The following HORMAD2 variants were observed in gnomAD, a reference collection of about 807,000 sequenced individuals.
HORMAD2 encodes HORMA domain-containing protein 2.
In HORMAD2, 45 loss-of-function variants were observed where a neutral mutation model predicts 38.8. The observed-to-expected ratio is 1.16, with a 90% CI of 0.91 to 1.49. The LOEUF is 1.49. Among genes scored for constraint, HORMAD2 ranks in the 40% most tolerant of loss-of-function variants. The probability of loss-of-function intolerance (pLI) is 0.00; values close to 1 mark genes in which losing one functional copy is unlikely to be tolerated. For missense variants in HORMAD2, 338 were observed against 367.0 expected (o/e 0.92, Z 0.65); for synonymous variants, 126 against 122.8 (o/e 1.03, Z -0.17).
At chr22:30,131,579 G>A (rs1189972105) in intron 10 of HORMAD2, among the ~76,000 whole-genome samples, 1 of 152,022 alleles carries the variant, frequency 6.6e-6, no homozygotes, top group Non-Finnish European at 1.5e-5. Context: ...ATGAGCTAAA[G>A]GCAGAGAATA....
At chr22:30,205,283 T>G in the HORMAD2 span, among the ~76,000 whole-genome samples, 1 of 152,056 alleles carries the variant, frequency 6.6e-6, no homozygotes, top group Non-Finnish European at 1.5e-5. Flanking sequence ...GGTGAGAATT[T>G]GAACCCAGAG....
chr22:30,079,428 G>A (rs1276717452), upstream of HORMAD2, among the ~76,000 whole-genome samples: 2 of 152,216 alleles, frequency 1.3e-5, no homozygotes, highest in Non-Finnish European at 2.9e-5. Context: ...CAGGTCCAGG[G>A]TAGGGATGAA....
chr22:30,112,630 G>C, intron 7 of HORMAD2, 108 bp downstream of exon 7: 1 of 470,822 alleles, frequency 2.1e-6, no homozygotes, highest in Non-Finnish European at 3.8e-6. Context: ...CATATGAGCA[G>C]AGGAACTAAT....
intron 1 of HORMAD2, among the ~76,000 whole-genome samples, chr22:30,091,301 G>A (rs1039052339): frequency 9.7e-5 from 10 of 103,356 alleles, no homozygotes; most frequent in African/African-American, 3.6e-4. Flanking sequence ...GTCTTGCTCT[G>A]TTGCCCAGGC....
chr22:30,162,181 T>C (rs1359752930), intron 10 of HORMAD2, among the ~76,000 whole-genome samples: 1 of 152,110 alleles, frequency 6.6e-6, no homozygotes, highest in Non-Finnish European at 1.5e-5. Flanking sequence ...GGCGTGGTGA[T>C]GTGTGCCTGT....
chr22:30,200,039 C>G, the HORMAD2 span, among the ~76,000 whole-genome samples: 1 of 152,106 alleles, frequency 6.6e-6, no homozygotes, highest in Non-Finnish European at 1.5e-5. Context: ...GCCTCAGCCT[C>G]CCGAGTAGCT....
chr22:30,168,976 A>G (rs1925949553), intron 10 of HORMAD2, among the ~76,000 whole-genome samples: 1 of 151,640 alleles, frequency 6.6e-6, no homozygotes. Context: ...CCACTCCCAC[A>G]CCCTTCCTGT....
intron 2 of HORMAD2, 59 bp from the exon 3 acceptor site, chr22:30,098,793 G>A: frequency 5.6e-6 from 8 of 1,438,766 alleles, no homozygotes; most frequent in Non-Finnish European, 5.7e-6. Context: ...TGGTAATGAT[G>A]TGCTAAACTG....
At chr22:30,109,226 A>C (rs1569090677) in intron 5 of HORMAD2, among the ~76,000 whole-genome samples, 1 of 151,842 alleles carries the variant, frequency 6.6e-6, no homozygotes, top group Non-Finnish European at 1.5e-5. Context: ...GGGTTTCACC[A>C]TGTCGGCCAT....
At chr22:30,078,518 A>G (rs2068412461), upstream of HORMAD2, among the ~76,000 whole-genome samples, 1 of 146,424 alleles carries the variant, frequency 6.8e-6, no homozygotes, top group Admixed American at 7.1e-5. Context: ...AGGCAGGAGA[A>G]TCACTTGAGC....
intron 10 of HORMAD2, among the ~76,000 whole-genome samples, chr22:30,155,678 A>G (rs1328665921): frequency 6.6e-6 from 1 of 151,952 alleles, no homozygotes; most frequent in African/African-American, 2.4e-5. Flanking sequence ...ACACACATCT[A>G]TATTTATGTA....
At chr22:30,132,786 C>T (rs1219769139) in intron 10 of HORMAD2, among the ~76,000 whole-genome samples, 1 of 152,096 alleles carries the variant, frequency 6.6e-6, no homozygotes, top group Non-Finnish European at 1.5e-5. Context: ...CATTCTATAA[C>T]ATCAGAGAAT....
At chr22:30,174,042 A>T (rs942564717) in intron 10 of HORMAD2, among the ~76,000 whole-genome samples, 7 of 152,186 alleles carry the variant, frequency 4.6e-5, no homozygotes, top group African/African-American at 1.7e-4. Context: ...CAGAAAGCAT[A>T]TCTTCAGGGC....
the HORMAD2 span, among the ~76,000 whole-genome samples, chr22:30,192,905 C>G: frequency 6.6e-6 from 1 of 152,120 alleles, no homozygotes; most frequent in Non-Finnish European, 1.5e-5. Flanking sequence ...ATGTTTGGCC[C>G]ATTTCATTTT....
At chr22:30,098,744 T>A in intron 2 of HORMAD2, 108 bp from the exon 3 acceptor site, 1 of 909,422 alleles carries the variant, frequency 1.1e-6, no homozygotes, top group Non-Finnish European at 1.6e-6. Context: ...TTCAAAGATA[T>A]CAAATTTGAA....
At chr22:30,142,354 T>C (rs1924138656) in intron 10 of HORMAD2, among the ~76,000 whole-genome samples, 1 of 152,190 alleles carries the variant, frequency 6.6e-6, no homozygotes, top group Non-Finnish European at 1.5e-5. Context: ...CTGTATATTC[T>C]GCTGTTACTG....
chr22:30,140,101 A>G (rs1003378243), intron 10 of HORMAD2, among the ~76,000 whole-genome samples: 1 of 152,068 alleles, frequency 6.6e-6, no homozygotes, highest in Non-Finnish European at 1.5e-5. Flanking sequence ...CTGGCTTCAT[A>G]AAAATGAGTT....
At chr22:30,087,974 TCTATATATATAC>T (rs1458894624) in intron 1 of HORMAD2, among the ~76,000 whole-genome samples, 6 of 150,966 alleles carry the variant, frequency 4.0e-5, no homozygotes, top group Non-Finnish European at 8.9e-5. Flanking sequence ...TCTCTCTCTC[TCTATATATATAC>T]ATATATATAT....
upstream of HORMAD2, among the ~76,000 whole-genome samples, chr22:30,079,251 C>G (rs528635479): frequency 1.1e-4 from 16 of 152,062 alleles, 1 homozygote; most frequent in East Asian, 2.7e-3. Context: ...CCACAGGATA[C>G]GAAATATCTA....
Sources: gnomAD v4.1 joint callset for allele counts (sites outside exome capture counted in the v4.1 genomes callset) on GRCh38, gnomAD v4.1.1 for gene constraint, MANE v1.5 for transcripts, NCBI Gene and HGNC (gene_info 2026-07-23, HGNC 2026-07-21) for gene names.